MGAT4C: variants seen among roughly 807,000 people sequenced by gnomAD.
MGAT4C encodes MGAT4 family member C, also known as alpha-1,3-mannosyl-glycoprotein 4-beta-N-acetylglucosaminyltransferase C.
Under a neutral mutation model 40.1 loss-of-function variants are expected in MGAT4C, and 19 were observed. The observed-to-expected ratio is 0.47, with a 90% CI of 0.33 to 0.70. The LOEUF (loss-of-function observed/expected upper bound fraction) is 0.70. MGAT4C is among the 30% of genes least tolerant of loss of function. The pLI is 0.02. For synonymous variants in MGAT4C, 181 were observed against 187.1 expected, an observed-to-expected ratio of 0.97 and a Z score of 0.27; for missense variants, 491 against 563.2, an observed-to-expected ratio of 0.87 and a Z score of 1.30.
intron 2 of MGAT4C, among the ~76,000 whole-genome samples, chr12:86,532,596 G>C (rs953820494): frequency 1.3e-5 from 2 of 151,944 alleles, no homozygotes; most frequent in Non-Finnish European, 2.9e-5. Context: ...TTGCCAAGCT[G>C]TTACTGCCTC....
At chr12:86,683,802 C>G (rs1220549056) in intron 2 of MGAT4C, among the ~76,000 whole-genome samples, 2 of 152,142 alleles carry the variant, frequency 1.3e-5, no homozygotes, top group African/African-American at 4.8e-5. Flanking sequence ...CTCAACAGAT[C>G]ACAAGAACTC....
intron 2 of MGAT4C, among the ~76,000 whole-genome samples, chr12:86,648,073 T>A (rs1963593659): frequency 6.6e-6 from 1 of 151,890 alleles, no homozygotes; most frequent in African/African-American, 2.4e-5. Context: ...AAGAGTAAAT[T>A]TAACTGTTTC....
intron 3 of MGAT4C, among the ~76,000 whole-genome samples, chr12:86,394,824 C>T (rs1259592793): frequency 6.6e-6 from 1 of 151,514 alleles, no homozygotes; most frequent in African/African-American, 2.4e-5. Context: ...CCATGTTGGC[C>T]AGGCTAGTCC....
At position 85,980,433 on chromosome 12, in the gene MGAT4C, G is replaced by A. The variant is rs373313230; in HGVS notation, c.296-3C>T. On this transcript the variant is annotated splice_polypyrimidine_tract_variant and splice_region_variant and intron_variant, in intron 4 of 4. Transcript: ENST00000611864. ...AGAAAGTCCAATTGTAAGATACCCT[G>A]CAAAAAAGAATTCAGAAGCAATACA... 473 of 1,560,536 alleles carry A rather than the reference G, an allele frequency of 3.0e-4. 2 individuals are homozygous for A. Among genetic ancestry groups the A allele is most frequent in the Non-Finnish European group, 3.8e-4 (441 of 1,157,024 alleles).
At chr12:86,511,625 C>T (rs1056394106) in intron 2 of MGAT4C, among the ~76,000 whole-genome samples, 10 of 152,022 alleles carry the variant, frequency 6.6e-5, no homozygotes, top group South Asian at 4.1e-4. Flanking sequence ...GATCTTTGAT[C>T]GGGGGCTAAG....
At chr12:86,609,714 C>A (rs1274633621) in intron 2 of MGAT4C, among the ~76,000 whole-genome samples, 1 of 150,768 alleles carries the variant, frequency 6.6e-6, no homozygotes, top group Non-Finnish European at 1.5e-5. Flanking sequence ...GGCCCTCAAA[C>A]CCTACTTAAA....
chr12:86,265,479 G>A (rs1228797893), intron 4 of MGAT4C, among the ~76,000 whole-genome samples: 4 of 152,210 alleles, frequency 2.6e-5, no homozygotes, highest in African/African-American at 9.6e-5. Context: ...CTATAAGTAT[G>A]TGACTTTATT....
At chr12:86,337,979 G>C (rs1214780807) in intron 3 of MGAT4C, among the ~76,000 whole-genome samples, 2 of 152,126 alleles carry the variant, frequency 1.3e-5, no homozygotes, top group Non-Finnish European at 2.9e-5. Context: ...AATCATAAGA[G>C]AAAGAGCTTT....
At chr12:86,681,967 T>C (rs1200763028) in intron 2 of MGAT4C, among the ~76,000 whole-genome samples, 1 of 152,036 alleles carries the variant, frequency 6.6e-6, no homozygotes, top group African/African-American at 2.4e-5. Flanking sequence ...TAGTGCACAA[T>C]TAACCTATAG....
rs1357943289 is a variant in MGAT4C, at chr12:85,978,327, G to T, written c.*962C>A. 6.6e-6 allele frequency: 1 copy of T among 151,562 alleles called. No individual in the cohort carries two copies. 9.4% of individuals were successfully genotyped at this position (151,562 alleles called of 1,614,324 possible). A position where few individuals can be genotyped will look rare whatever the true frequency, so the allele number is the denominator to read the frequency against. On this transcript the variant is annotated 3_prime_UTR_variant, in exon 5 of 5. Transcript: ENST00000611864. ...GAAATAGATCTTTGATTCTAGAAAA[G>T]TCAACTAATTTCTATGGTTCTTACT...
At chr12:86,213,781 C>A (rs375001915) in intron 1 of MGAT4C, among the ~76,000 whole-genome samples, 1 of 152,148 alleles carries the variant, frequency 6.6e-6, no homozygotes, top group South Asian at 2.1e-4. Flanking sequence ...AGGGGATAGA[C>A]CCATAGTAGA....
At chr12:86,754,022 T>C (rs111712941) in intron 1 of MGAT4C, among the ~76,000 whole-genome samples, 1 of 152,174 alleles carries the variant, frequency 6.6e-6, no homozygotes, top group African/African-American at 2.4e-5. Flanking sequence ...CATATTTATA[T>C]AGAGAGACTT....
intron 1 of MGAT4C, among the ~76,000 whole-genome samples, chr12:86,829,735 C>G (rs886582274): frequency 6.6e-6 from 1 of 150,918 alleles, no homozygotes; most frequent in African/African-American, 2.4e-5. Flanking sequence ...GTTACTTATA[C>G]TGGAGAAAGA....
intron 2 of MGAT4C, among the ~76,000 whole-genome samples, chr12:86,507,873 T>C (rs940085970): frequency 2.6e-5 from 4 of 152,074 alleles, no homozygotes; most frequent in Admixed American, 2.6e-4. Context: ...TTTTTTAAGA[T>C]TGTTTTGGCT....
At chr12:86,211,924 T>C (rs1950485761) in intron 1 of MGAT4C, among the ~76,000 whole-genome samples, 1 of 152,178 alleles carries the variant, frequency 6.6e-6, no homozygotes, top group African/African-American at 2.4e-5. Flanking sequence ...TTGCACCATG[T>C]TTAGTCCTTT....
chr12:86,152,470 G>C (rs754750935), intron 1 of MGAT4C, among the ~76,000 whole-genome samples: 2 of 152,130 alleles, frequency 1.3e-5, no homozygotes, highest in African/African-American at 2.4e-5. Context: ...TGAGGATTCT[G>C]CCCTCATGAC....
intron 2 of MGAT4C, among the ~76,000 whole-genome samples, chr12:86,458,057 T>C (rs1371026983): frequency 6.6e-6 from 1 of 151,978 alleles, no homozygotes; most frequent in Non-Finnish European, 1.5e-5. Flanking sequence ...AAAAGACAAA[T>C]CACTACCAAC....
rs954225588 is a variant in MGAT4C, at chr12:86,818,340, A to G, written c.-262+20326T>C. Among the ~76,000 whole-genome samples, 20 of 151,316 alleles carry G rather than the reference A, an allele frequency of 1.3e-4. No individual in the cohort carries two copies. The Admixed American group carries it at 1.3e-3, about 10-fold the overall frequency. Reference sequence around the variant, plus strand: ...AAATTTGGATAACATGAAGAAATTAAAAAGACATTAAAAATCAGTGAACAG... The same window carrying G: ...AAATTTGGATAACATGAAGAAATTAGAAAGACATTAAAAATCAGTGAACAG... On this transcript the variant is annotated intron_variant, in intron 1 of 7. Transcript: ENST00000548651.
At chr12:86,829,882 A>C (rs1247168308) in intron 1 of MGAT4C, among the ~76,000 whole-genome samples, 1 of 149,992 alleles carries the variant, frequency 6.7e-6, no homozygotes, top group Non-Finnish European at 1.5e-5. Context: ...GCAGTACTAG[A>C]TAAAATGAAG....
Sources: gnomAD v4.1 joint callset for allele counts (sites outside exome capture counted in the v4.1 genomes callset) on GRCh38, gnomAD v4.1.1 for gene constraint, MANE v1.5 for transcripts, NCBI Gene and HGNC (gene_info 2026-07-23, HGNC 2026-07-21) for gene names.